Variants in TNIK observed in about 807,000 individuals in gnomAD.
TNIK encodes TRAF2 and NCK-interacting protein kinase.
A neutral mutation model predicts 191.3 loss-of-function variants in TNIK; 49 were observed. The observed-to-expected ratio is 0.26, with a 90% CI of 0.20 to 0.32. The LOEUF is 0.32. TNIK is among the 10% of genes least tolerant of loss of function. The probability of loss-of-function intolerance (pLI) is 1.00; values close to 1 mark genes in which losing one functional copy is unlikely to be tolerated. For missense variants in TNIK, 1,155 were observed against 1,702.3 expected (o/e 0.68, Z 5.66); for synonymous variants, 594 against 600.9 (o/e 0.99, Z 0.17).
chr3:171,176,556 G>A (rs1335866514), intron 8 of TNIK, among the ~76,000 whole-genome samples: 1 of 152,178 alleles, frequency 6.6e-6, no homozygotes, highest in African/African-American at 2.4e-5. Flanking sequence ...AGGTGGAAGG[G>A]TCCCAGCCTG....
intron 2 of TNIK, among the ~76,000 whole-genome samples, chr3:171,357,522 C>T (rs1400279184): frequency 6.7e-6 from 1 of 149,672 alleles, no homozygotes; most frequent in Non-Finnish European, 1.5e-5. Flanking sequence ...CTCCTGACCT[C>T]AGGTGATCCA....
At chr3:171,355,421 T>TA (rs1483986003) in intron 2 of TNIK, among the ~76,000 whole-genome samples, 1 of 149,130 alleles carries the variant, frequency 6.7e-6, no homozygotes, top group African/African-American at 2.4e-5. Flanking sequence ...CAAAATGTAC[T>TA]AAACATTTAG....
chr3:171,305,408 A>G (rs1753345033), intron 2 of TNIK, among the ~76,000 whole-genome samples: 1 of 152,216 alleles, frequency 6.6e-6, no homozygotes, highest in Admixed American at 6.5e-5. Context: ...AAAAGAAACT[A>G]TCAGCAGAGT....
chr3:171,064,094 G>T, intron 32 of TNIK, 130 bp from the exon 33 acceptor site: 1 of 767,660 alleles, frequency 1.3e-6, no homozygotes, highest in Non-Finnish European at 2.1e-6. Context: ...AATGGCTTGT[G>T]TTTATAAAGT....
chr3:171,351,217 A>G (rs1335684963), intron 2 of TNIK, among the ~76,000 whole-genome samples: 1 of 151,542 alleles, frequency 6.6e-6, no homozygotes, highest in Non-Finnish European at 1.5e-5. Context: ...CATGCAAACT[A>G]TGTTATTTAC....
At chr3:171,253,141 G>C (rs556904522) in intron 2 of TNIK, among the ~76,000 whole-genome samples, 1 of 151,170 alleles carries the variant, frequency 6.6e-6, no homozygotes, top group Non-Finnish European at 1.5e-5. Flanking sequence ...AAAATTAGCC[G>C]GGCGTGGTGG....
chr3:171,104,719 CTT>C (rs1427357336), intron 21 of TNIK, among the ~76,000 whole-genome samples: 2 of 151,418 alleles, frequency 1.3e-5, no homozygotes, highest in African/African-American at 4.9e-5. Flanking sequence ...TTTTTTTTCT[CTT>C]TGTATTAAAC....
At chr3:171,104,277 T>A (rs1414113380) in intron 21 of TNIK, among the ~76,000 whole-genome samples, 1 of 152,136 alleles carries the variant, frequency 6.6e-6, no homozygotes, top group Non-Finnish European at 1.5e-5. Flanking sequence ...TTATAGGAAA[T>A]AAACACAATC....
chr3:171,078,855 G>A (rs1720325069), intron 28 of TNIK, among the ~76,000 whole-genome samples: 1 of 152,146 alleles, frequency 6.6e-6, no homozygotes, highest in South Asian at 2.1e-4. Context: ...GGGGTTAGAG[G>A]GATGTGTATG....
intron 27 of TNIK, among the ~76,000 whole-genome samples, chr3:171,080,332 T>A (rs1268016803): frequency 6.6e-6 from 1 of 152,210 alleles, no homozygotes; most frequent in Non-Finnish European, 1.5e-5. Context: ...AAATGTCCAT[T>A]GGGATGACTC....
Position 171,159,472 on chromosome 3 carries a change from A to G in TNIK, c.1016+1798T>C, listed in dbSNP as rs1220944870. On this transcript the variant is annotated intron_variant, in intron 11 of 32. Coordinates refer to ENST00000436636, the MANE Select transcript of TNIK (RefSeq NM_015028.4). The surrounding 1 kb of genome is among the most constrained non-coding windows in gnomAD (Gnocchi z 4.1). ...GCTTTGTTCGTGATGTTCCATAGAC[A>G]ATGCTTGGCGTCTACTCACAAGCCT... Among the ~76,000 whole-genome samples, 1 of 152,142 alleles carries G rather than the reference A, an allele frequency of 6.6e-6. No individual in the cohort carries two copies. Among genetic ancestry groups the G allele is most frequent in the Non-Finnish European group, 1.5e-5 (1 of 68,028 alleles).
chr3:171,415,511 T>C (rs894902407), intron 1 of TNIK, among the ~76,000 whole-genome samples: 9 of 152,128 alleles, frequency 5.9e-5, no homozygotes, highest in African/African-American at 2.2e-4. Context: ...AAAAGATTCT[T>C]ATACATGAAG....
intron 19 of TNIK, among the ~76,000 whole-genome samples, chr3:171,109,665 C>A (rs1293604224): frequency 6.6e-6 from 1 of 152,188 alleles, no homozygotes; most frequent in African/African-American, 2.4e-5. Context: ...TAATATTTGT[C>A]AAATTGCAAT....
At position 171,289,466 on chromosome 3, in the gene TNIK, G is replaced by A. The variant is rs187556433; in HGVS notation, c.124-61245C>T. On this transcript the variant is annotated intron_variant, in intron 2 of 32. Coordinates refer to ENST00000436636, the MANE Select transcript of TNIK (RefSeq NM_015028.4). ...GCCATGACATTCCAGAGATGAGACA[G>A]GAAAAAATGTGACTGGCTCATATAG... 4.2e-3 allele frequency among the ~76,000 whole-genome samples: 637 copies of A among 152,268 alleles called. 1 individual carries two copies. The highest frequency in any genetic ancestry group is 7.2e-3 in the Non-Finnish European group (493 of 68,024).
At chr3:171,118,812 G>C (rs963441327) in intron 18 of TNIK, among the ~76,000 whole-genome samples, 5 of 152,138 alleles carry the variant, frequency 3.3e-5, no homozygotes, top group African/African-American at 1.2e-4. Context: ...AGACTTAAAT[G>C]TTAGACCTAA....
chr3:171,458,891 T>C (rs1352672694), intron 1 of TNIK, among the ~76,000 whole-genome samples: 1 of 152,112 alleles, frequency 6.6e-6, no homozygotes, highest in Non-Finnish European at 1.5e-5. Flanking sequence ...GTCCAATCCT[T>C]CTCAGACACC....
At chr3:171,322,681 T>G (rs1270962322) in intron 2 of TNIK, among the ~76,000 whole-genome samples, 1 of 152,124 alleles carries the variant, frequency 6.6e-6, no homozygotes, top group Non-Finnish European at 1.5e-5. Context: ...CACAAAATGG[T>G]GTAAAAATAA....
At chr3:171,410,695 CATGA>C (rs1323780855) in intron 1 of TNIK, among the ~76,000 whole-genome samples, 1 of 141,488 alleles carries the variant, frequency 7.1e-6, no homozygotes, top group Admixed American at 7.7e-5. Flanking sequence ...AGGAGAATGG[CATGA>C]ACCCGGGAGG....
intron 1 of TNIK, among the ~76,000 whole-genome samples, chr3:171,443,286 T>C (rs932739936): frequency 6.6e-5 from 10 of 152,254 alleles, no homozygotes; most frequent in East Asian, 1.9e-4. Flanking sequence ...TGGAGCTCAA[T>C]TGAAAAATCG....
Sources: allele counts gnomAD v4.1 joint callset (sites outside exome capture counted in the v4.1 genomes callset), GRCh38; gene constraint gnomAD v4.1.1; non-coding constraint Gnocchi (gnomAD v3.1); transcripts MANE v1.5; gene names NCBI Gene and HGNC (gene_info 2026-07-23, HGNC 2026-07-21).